The following PCDH7 variants were observed in gnomAD, a reference collection of about 807,000 sequenced individuals.
PCDH7 encodes the protein protocadherin 7.
A neutral mutation model predicts 58.9 loss-of-function variants in PCDH7; 17 were observed. That is an observed-to-expected ratio of 0.29 (90% CI 0.20 to 0.43). The LOEUF (loss-of-function observed/expected upper bound fraction) is 0.43. PCDH7 is among the 20% of genes least tolerant of loss of function. The pLI is 1.00. For missense variants in PCDH7, 1,274 were observed against 1,441.0 expected (o/e 0.88, Z 1.88); for synonymous variants, 664 against 616.4 (o/e 1.08, Z -1.14).
At chr4:30,830,551 G>A (rs1729646930) in intron 1 of PCDH7, among the ~76,000 whole-genome samples, 1 of 151,618 alleles carries the variant, frequency 6.6e-6, no homozygotes. Flanking sequence ...TTCCGTGTCT[G>A]GCTCTCATTT....
chr4:30,916,444 T>A (rs1742485295), intron 1 of PCDH7, among the ~76,000 whole-genome samples: 1 of 152,230 alleles, frequency 6.6e-6, no homozygotes, highest in South Asian at 2.1e-4. Context: ...GGTTTTGGAA[T>A]AATTTTCTTT....
intron 1 of PCDH7, among the ~76,000 whole-genome samples, chr4:30,837,606 G>A (rs1339200218): frequency 6.6e-6 from 1 of 151,762 alleles, no homozygotes; most frequent in East Asian, 1.9e-4. Flanking sequence ...AGGGAGGATG[G>A]GCATTGTCTG....
intron 3 of PCDH7, among the ~76,000 whole-genome samples, chr4:31,079,118 A>C (rs935003973): frequency 6.6e-6 from 1 of 151,610 alleles, no homozygotes; most frequent in Non-Finnish European, 1.5e-5. Context: ...ATCACATAGG[A>C]AAACAGTATC....
intron 1 of PCDH7, among the ~76,000 whole-genome samples, chr4:30,810,984 C>T (rs929927586): frequency 6.6e-6 from 1 of 152,152 alleles, no homozygotes; most frequent in African/African-American, 2.4e-5. Flanking sequence ...TAAACCTTAA[C>T]AGTTACAGCG....
intron 1 of PCDH7, among the ~76,000 whole-genome samples, chr4:30,769,148 G>T (rs980221436): frequency 6.6e-6 from 1 of 152,212 alleles, no homozygotes; most frequent in African/African-American, 2.4e-5. Context: ...ATCTAGTTAA[G>T]TGTAGATGAG....
chr4:30,922,496 A>G (rs1476713762), intron 2 of PCDH7, among the ~76,000 whole-genome samples: 1 of 152,126 alleles, frequency 6.6e-6, no homozygotes, highest in Non-Finnish European at 1.5e-5. Context: ...ATAAGAAAGA[A>G]ATGATGAATA....
At chr4:30,809,073 G>C (rs756986483) in intron 1 of PCDH7, among the ~76,000 whole-genome samples, 5 of 152,112 alleles carry the variant, frequency 3.3e-5, no homozygotes, top group Non-Finnish European at 7.4e-5. Context: ...AATGTATCTG[G>C]CAAAATAGAG....
At chr4:30,991,597 C>T (rs1218381355) in intron 3 of PCDH7, among the ~76,000 whole-genome samples, 2 of 152,078 alleles carry the variant, frequency 1.3e-5, no homozygotes, top group Admixed American at 6.6e-5. Context: ...TTTAGATCCT[C>T]GGGTTCTCAT....
At chr4:30,734,308 C>T (rs1347062279), downstream of PCDH7, among the ~76,000 whole-genome samples, 1 of 151,740 alleles carries the variant, frequency 6.6e-6, no homozygotes, top group Non-Finnish European at 1.5e-5. Flanking sequence ...TCACGGCTCA[C>T]TGCAACCTCT....
At chr4:31,144,796 A>G (rs1300651692), downstream of PCDH7, 1 of 152,144 alleles carries the variant, frequency 6.6e-6, no homozygotes, top group African/African-American at 2.4e-5. Context: ...ATGCAAAAAG[A>G]TATGTAATTG....
intron 1 of PCDH7, among the ~76,000 whole-genome samples, chr4:30,809,143 A>T (rs187639476): frequency 6.6e-6 from 1 of 152,346 alleles, no homozygotes; most frequent in East Asian, 1.9e-4. Flanking sequence ...ATCAAATTGG[A>T]TTAGCGACAT....
intron 1 of PCDH7, among the ~76,000 whole-genome samples, chr4:30,911,359 A>G (rs28520359): frequency 8.6e-5 from 12 of 139,788 alleles, no homozygotes; most frequent in African/African-American, 3.1e-4. Context: ...GAACATAGCC[A>G]TGTCCATTTA....
At chr4:30,933,381 C>G (rs1411430889) in intron 2 of PCDH7, among the ~76,000 whole-genome samples, 1 of 152,070 alleles carries the variant, frequency 6.6e-6, no homozygotes, top group Non-Finnish European at 1.5e-5. Context: ...ACAAAACTAT[C>G]TTTGAGGTCA....
intron 2 of PCDH7, among the ~76,000 whole-genome samples, chr4:30,920,709 C>T (rs532610045): frequency 6.6e-6 from 1 of 152,130 alleles, no homozygotes; most frequent in Non-Finnish European, 1.5e-5. Flanking sequence ...TTCTTCTATT[C>T]ATTTTTGTCA....
At chr4:31,080,797 G>A (rs1310684440) in intron 3 of PCDH7, among the ~76,000 whole-genome samples, 1 of 152,122 alleles carries the variant, frequency 6.6e-6, no homozygotes, top group Non-Finnish European at 1.5e-5. Flanking sequence ...ATCTTGAATT[G>A]TAGCTCCCAT....
intron 3 of PCDH7, among the ~76,000 whole-genome samples, chr4:31,121,364 T>C (rs1006263085): frequency 1.3e-5 from 2 of 152,208 alleles, no homozygotes; most frequent in African/African-American, 4.8e-5. Flanking sequence ...GTGGCTATAA[T>C]TTGCTTCCTT....
chr4:30,997,621 G>A (rs1374388550), intron 3 of PCDH7, among the ~76,000 whole-genome samples: 1 of 152,078 alleles, frequency 6.6e-6, no homozygotes, highest in Non-Finnish European at 1.5e-5. Flanking sequence ...TGTTGATTTA[G>A]ACATTTGTGT....
intron 3 of PCDH7, among the ~76,000 whole-genome samples, chr4:31,077,993 C>A (rs1759147250): frequency 1.3e-5 from 2 of 152,078 alleles, no homozygotes; most frequent in African/African-American, 4.8e-5. Flanking sequence ...GGAATATTTT[C>A]TCAGGATTCG....
At chr4:31,034,766 T>C (rs974304429) in intron 3 of PCDH7, among the ~76,000 whole-genome samples, 6 of 152,148 alleles carry the variant, frequency 3.9e-5, no homozygotes, top group African/African-American at 1.4e-4. Context: ...GCATATCTTA[T>C]CTGTGAAATG....
Sources: gnomAD v4.1 joint callset for allele counts (sites outside exome capture counted in the v4.1 genomes callset) on GRCh38, gnomAD v4.1.1 for gene constraint, MANE v1.5 for transcripts, NCBI Gene and HGNC (gene_info 2026-07-23, HGNC 2026-07-21) for gene names.